Variants in LAP3 observed in about 807,000 individuals in gnomAD.
The protein encoded by LAP3 is cytosol aminopeptidase.
LAP3 carries 46 observed loss-of-function variants against 58.8 expected under a neutral mutation model. That is an observed-to-expected ratio of 0.78 (90% CI 0.62 to 1.00). LAP3 has a LOEUF of 1.00. Ranked by LOEUF, LAP3 falls within the 50% of genes least tolerant of loss-of-function variation. The probability of loss-of-function intolerance (pLI) is 0.00; values close to 1 mark genes in which losing one functional copy is unlikely to be tolerated. For missense variants in LAP3, 615 were observed against 659.1 expected, an observed-to-expected ratio of 0.93 and a Z score of 0.73; for synonymous variants, 257 against 237.7, an observed-to-expected ratio of 1.08 and a Z score of -0.75.
chr4:17,588,440 C>T (rs926067526), intron 6 of LAP3, among the ~76,000 whole-genome samples: 20 of 152,090 alleles, frequency 1.3e-4, no homozygotes, highest in African/African-American at 3.4e-4. Context: ...CCACCGCACC[C>T]GGCCTTCTAA....
Position 17,607,662 on chromosome 4 carries a change from G to A in LAP3, c.*73G>A. The stretch of plus-strand genomic sequence containing the variant: ...AACTTAAAAGGTTTTTGAATAAATG[G>A]ATGAAAATCTTTTAACGGAGACAAA... On this transcript the variant is annotated 3_prime_UTR_variant, in exon 13 of 13. Transcript: ENST00000226299. The A allele has an allele frequency of 8.7e-7, 1 of 1,152,264 alleles. No individual in the cohort carries two copies. The highest frequency in any genetic ancestry group is 1.9e-5 in the South Asian group (1 of 52,046). 71.4% of individuals were successfully genotyped at this position (1,152,264 alleles called of 1,614,324 possible). A position where few individuals can be genotyped will look rare whatever the true frequency, so the allele number is the denominator to read the frequency against.
chr4:17,605,148 A>ACC (rs1366868173), intron 11 of LAP3, among the ~76,000 whole-genome samples: 65 of 132,638 alleles, frequency 4.9e-4, no homozygotes, highest in African/African-American at 1.7e-3. Context: ...ACACACACAC[A>ACC]CCCTCACTTA....
In LAP3 at chr4:17,583,465, T is replaced by C. The variant is rs374244690; in HGVS notation, c.380-18T>C. The stretch of plus-strand genomic sequence containing the variant: ...TCTTGGACTGACTCCAGTTTTCTGA[T>C]TCCTCTGTCTTTTCAAGCGGGGTGC... On this transcript the variant is annotated intron_variant, in intron 4 of 12. Coordinates refer to ENST00000226299, the MANE Select transcript of LAP3 (RefSeq NM_015907.3). The C allele has an allele frequency of 9.3e-6, 15 of 1,612,650 alleles. No homozygotes were observed. The South Asian group carries it at 1.1e-4, about 12-fold the overall frequency.
At chr4:17,578,593 C>A (rs185907569) in intron 1 of LAP3, among the ~76,000 whole-genome samples, 1 of 152,202 alleles carries the variant, frequency 6.6e-6, no homozygotes, top group South Asian at 2.1e-4. Flanking sequence ...GTTTCCTTAT[C>A]GGTCAAGGGG....
intron 6 of LAP3, among the ~76,000 whole-genome samples, chr4:17,587,141 T>G (rs1372608959): frequency 6.6e-6 from 1 of 152,042 alleles, no homozygotes; most frequent in Non-Finnish European, 1.5e-5. Context: ...GTCCTGCAGG[T>G]TGCTTAGAAG....
At chr4:17,603,001 T>G (rs182689978) in intron 10 of LAP3, among the ~76,000 whole-genome samples, 21 of 151,518 alleles carry the variant, frequency 1.4e-4, no homozygotes, top group African/African-American at 3.9e-4. Flanking sequence ...TAGGATAAAT[T>G]TTTAAAGCAT....
rs1713369657 is a variant in LAP3 at position 17,581,751 on chromosome 4, T to C, written c.219-9T>C. ...CTTGTTTTAAAACGACTATTTCCTC[T>C]TGTTTTAGATCTGGACCACCTCTGA... On this transcript the variant is annotated splice_polypyrimidine_tract_variant and intron_variant, in intron 2 of 12. Coordinates refer to ENST00000226299, the MANE Select transcript of LAP3 (RefSeq NM_015907.3). The C allele has an allele frequency of 4.3e-6, 7 of 1,612,400 alleles. No homozygotes were observed. The highest frequency in any genetic ancestry group is 5.9e-6 in the Non-Finnish European group (7 of 1,178,688).
At chr4:17,592,564 G>A (rs1035399377) in intron 7 of LAP3, among the ~76,000 whole-genome samples, 8 of 152,134 alleles carry the variant, frequency 5.3e-5, no homozygotes, top group Non-Finnish European at 1.0e-4. Flanking sequence ...TTACTCTTGC[G>A]TAAATACCTA....
rs773619597 is a variant in LAP3, at chr4:17,577,546, C to T, written c.81C>T (p.Leu27=). Residue 27 remains leucine (L), a synonymous_variant, in exon 1 of 13, where the codon CTC becomes CTT. Coordinates refer to ENST00000226299, the MANE Select transcript of LAP3 (RefSeq NM_015907.3). ...TGAGACGTTTCGGGAGCCGGAGTCT[C>T]TCCACCGCAGACATGACGAAGGTGA... is the stretch of plus-strand genomic sequence containing the variant. ...LAVRRFGSRS[L]STADMTKGLV... is the part of the protein sequence containing the mutation. 6 of 1,568,960 alleles carry T rather than the reference C, an allele frequency of 3.8e-6. No individual in the cohort carries two copies. The South Asian group carries it at 7.0e-5, about 18-fold the overall frequency.
At chr4:17,579,168 C>G (rs1160028160) in intron 1 of LAP3, among the ~76,000 whole-genome samples, 1 of 152,122 alleles carries the variant, frequency 6.6e-6, no homozygotes. Context: ...TGTGACAAGA[C>G]AAAGGGGCTT....
chr4:17,585,363 T>A (rs1286143284), intron 6 of LAP3: 1 of 381,566 alleles, frequency 2.6e-6, no homozygotes, highest in Non-Finnish European at 4.8e-6. Flanking sequence ...TATGTGTATA[T>A]TTCATAACTG....
intron 7 of LAP3, among the ~76,000 whole-genome samples, chr4:17,590,662 C>T (rs1441272815): frequency 4.0e-5 from 6 of 151,746 alleles, no homozygotes; most frequent in Non-Finnish European, 7.4e-5. Context: ...AGCTCCGCCT[C>T]CCGGGTTCAC....
intron 10 of LAP3, among the ~76,000 whole-genome samples, chr4:17,601,065 A>G (rs1024600834): frequency 2.0e-5 from 3 of 152,196 alleles, no homozygotes; most frequent in African/African-American, 7.2e-5. Context: ...GCCATATCCA[A>G]TCACAGTGTT....
chr4:17,599,001 G>C (rs1026755268), intron 10 of LAP3, among the ~76,000 whole-genome samples: 11 of 152,066 alleles, frequency 7.2e-5, no homozygotes, highest in Admixed American at 6.5e-5. Context: ...GCCTCCCAAA[G>C]TGCTGGGGTT....
intron 1 of LAP3, among the ~76,000 whole-genome samples, chr4:17,578,995 A>G (rs1455273291): frequency 1.3e-5 from 2 of 152,230 alleles, no homozygotes; most frequent in Non-Finnish European, 2.9e-5. Context: ...GCTGGGCCTA[A>G]GAAAACTGAC....
At chr4:17,597,788 G>A (rs540572756) in intron 9 of LAP3, among the ~76,000 whole-genome samples, 96 of 152,302 alleles carry the variant, frequency 6.3e-4, no homozygotes, top group African/African-American at 2.3e-3. Flanking sequence ...TTCCATTGTA[G>A]GTGTTGAGGT....
At chr4:17,600,261 T>TA (rs1713949148) in intron 10 of LAP3, among the ~76,000 whole-genome samples, 1 of 152,228 alleles carries the variant, frequency 6.6e-6, no homozygotes, top group Non-Finnish European at 1.5e-5. Flanking sequence ...GCAGAAATCA[T>TA]GTTCCCTTTT....
chr4:17,590,978 A>G (rs368618366), intron 7 of LAP3, among the ~76,000 whole-genome samples: 1 of 130,742 alleles, frequency 7.6e-6, no homozygotes. Context: ...TATGTTGCCC[A>G]GGCTGGTTTT....
chr4:17,599,747 C>A (rs1014867912), intron 10 of LAP3, among the ~76,000 whole-genome samples: 1 of 146,246 alleles, frequency 6.8e-6, no homozygotes, highest in African/African-American at 2.5e-5. Context: ...TACTTGATGT[C>A]ATAAGGAAAT....
Sources: gnomAD v4.1 joint callset for allele counts (sites outside exome capture counted in the v4.1 genomes callset) on GRCh38, gnomAD v4.1.1 for gene constraint, MANE v1.5 for transcripts, NCBI Gene and HGNC (gene_info 2026-07-23, HGNC 2026-07-21) for gene names.